Variants in MAEL observed in about 807,000 individuals in gnomAD.
The protein encoded by MAEL is protein maelstrom homolog.
MAEL carries 46 observed loss-of-function variants against 62.0 expected under a neutral mutation model. That is an observed-to-expected ratio of 0.74 (90% CI 0.59 to 0.95). The LOEUF is 0.95. Among genes scored for constraint, MAEL ranks in the 40% least tolerant of loss-of-function variants. The pLI, the probability that MAEL is intolerant of heterozygous loss-of-function variation, is 0.00. For synonymous variants in MAEL, 172 were observed against 175.5 expected (o/e 0.98, Z 0.16); for missense variants, 497 against 526.8 (o/e 0.94, Z 0.55).
Position 167,022,004 on chromosome 1 carries a change from A to T in MAEL, c.*149A>T. 1 of 595,336 alleles carries T rather than the reference A, an allele frequency of 1.7e-6. No individual in the cohort carries two copies. The highest frequency in any genetic ancestry group is 2.7e-6 in the Non-Finnish European group (1 of 363,982). The allele number at this position is 595,336 out of a possible 1,614,324, so 36.9% of individuals were successfully genotyped here. A position where few individuals can be genotyped will look rare whatever the true frequency, so the allele number is the denominator to read the frequency against. On this transcript the variant is annotated 3_prime_UTR_variant, in exon 12 of 12. Coordinates refer to ENST00000367872, the MANE Select transcript of MAEL (RefSeq NM_032858.3). ...GAAATTGTTTCATAGATTTAAAAAA[A>T]TTGTGGTTGGAGAGCATCTTGGCAT...
intron 1 of MAEL, among the ~76,000 whole-genome samples, chr1:166,981,178 G>A (rs1458002896): frequency 2.0e-5 from 3 of 152,172 alleles, no homozygotes; most frequent in African/African-American, 7.2e-5. Flanking sequence ...AAGTAGCGGG[G>A]CGAGGATCTC....
intron 1 of MAEL, among the ~76,000 whole-genome samples, chr1:166,981,553 G>T (rs1415634502): frequency 6.6e-6 from 1 of 152,072 alleles, no homozygotes; most frequent in African/African-American, 2.4e-5. Context: ...CCTGTATTAG[G>T]ACATGTACCA....
chr1:167,018,027 A>G (rs1468520053), intron 10 of MAEL, 68 bp downstream of exon 10: 2 of 1,462,216 alleles, frequency 1.4e-6, no homozygotes, highest in East Asian at 2.3e-5. Context: ...TCTGGCCAAC[A>G]GAAACAAAAG....
In MAEL at chr1:167,005,038, G is replaced by T. The variant is rs927808792; in HGVS notation, c.649-38G>T. 14 of 1,596,882 alleles carry T rather than the reference G, an allele frequency of 8.8e-6. No individual in the cohort carries two copies. In the African/African-American group the frequency reaches 1.7e-4, roughly 20 times the overall value. ...TTCAAAGTAGGAGAAGATACAAGTA[G>T]TTTTTTTGTTTTGTTTTTTGTTTTT... On this transcript the variant is annotated intron_variant, in intron 6 of 11. Transcript: ENST00000367872.
intron 8 of MAEL, among the ~76,000 whole-genome samples, chr1:167,010,234 T>G (rs1665111017): frequency 6.6e-6 from 1 of 152,166 alleles, no homozygotes; most frequent in Non-Finnish European, 1.5e-5. Flanking sequence ...GATTATAAAT[T>G]TCCTGAGGCC....
chr1:166,998,566 C>G (rs1370041111), intron 5 of MAEL, among the ~76,000 whole-genome samples: 1 of 152,130 alleles, frequency 6.6e-6, no homozygotes, highest in Non-Finnish European at 1.5e-5. Context: ...AGTATGCTGA[C>G]CAGTACCTCT....
At chr1:166,996,408 A>C (rs1393375473) in intron 5 of MAEL, among the ~76,000 whole-genome samples, 1 of 152,206 alleles carries the variant, frequency 6.6e-6, no homozygotes, top group Non-Finnish European at 1.5e-5. Flanking sequence ...CTGGTTAATG[A>C]TTTTTCTTGA....
At chr1:166,987,585 A>G (rs1355575459), upstream of MAEL, among the ~76,000 whole-genome samples, 1 of 152,210 alleles carries the variant, frequency 6.6e-6, no homozygotes, top group Non-Finnish European at 1.5e-5. Context: ...TGTCCCACCA[A>G]TAATGTATGA....
chr1:167,017,861 G>A lies in MAEL; in HGVS notation c.943G>A (p.Gly315Arg). The change falls in exon 10 of 12, where the codon GGA (glycine) becomes AGA (arginine). Residue 315 changes from glycine to arginine, a missense_variant. Physicochemically the swap from Gly to Arg is moderately radical, Grantham distance 125 (BLOSUM62 -2). Coordinates refer to ENST00000367872, the MANE Select transcript of MAEL (RefSeq NM_032858.3). Reference protein sequence around the residue: ...CISNSLATLFGIQLTEAHVPL... With the variant: ...CISNSLATLFRIQLTEAHVPL... Reference sequence around the variant, plus strand: ...CAGTAATTCTCTGGCCACTCTCTTTGGAATCCAGCTCACAGAGGCTCATGT... The same window carrying A: ...CAGTAATTCTCTGGCCACTCTCTTTAGAATCCAGCTCACAGAGGCTCATGT... 6.2e-7 allele frequency: 1 copy of A among 1,612,836 alleles called. No homozygotes were observed. The highest frequency in any genetic ancestry group is 8.5e-7 in the Non-Finnish European group (1 of 1,179,300).
rs773788152 is a variant in MAEL, at chr1:166,992,746, AT to A, written c.388del (p.Cys130ValfsTer29). 6.2e-7 allele frequency: 1 copy of A among 1,611,232 alleles called. No individual in the cohort carries two copies. The highest frequency in any genetic ancestry group is 1.7e-5 in the Admixed American group (1 of 59,506). On this transcript the variant is annotated frameshift_variant, in exon 4 of 12. Transcript: ENST00000367872. LOFTEE classifies it high-confidence loss of function. ...NIFSHGELPP[H>X]CEQRFLPCEI... is the part of the protein sequence containing the mutation. Reference sequence around the variant, plus strand: ...TTTAGCCATGGCGAGCTACCTCCTCATTGTGAACAGCGCTTCCTCCCTTGTG... The same window carrying A: ...TTTAGCCATGGCGAGCTACCTCCTCATGTGAACAGCGCTTCCTCCCTTGTG...
upstream of MAEL, among the ~76,000 whole-genome samples, chr1:166,988,189 A>G (rs1663985158): frequency 6.6e-6 from 1 of 151,852 alleles, no homozygotes; most frequent in Non-Finnish European, 1.5e-5. Context: ...TCTCTACAAA[A>G]AACAGAAAAA....
At chr1:166,995,342 G>A (rs1664376378) in intron 5 of MAEL, among the ~76,000 whole-genome samples, 1 of 151,982 alleles carries the variant, frequency 6.6e-6, no homozygotes, top group Admixed American at 6.6e-5. Context: ...CTGGGTTCAA[G>A]CAATTCTCCT....
intron 8 of MAEL, among the ~76,000 whole-genome samples, chr1:167,014,931 G>A (rs950262928): frequency 7.9e-5 from 12 of 152,182 alleles, no homozygotes; most frequent in Admixed American, 1.3e-4. Flanking sequence ...GCTGAGGCAC[G>A]AGTTATCATT....
intron 10 of MAEL, among the ~76,000 whole-genome samples, chr1:167,019,408 C>T (rs1257340718): frequency 6.6e-6 from 1 of 152,052 alleles, no homozygotes. Flanking sequence ...CTCTCAGATT[C>T]TCTCTCATCT....
At position 167,022,040 on chromosome 1, in the gene MAEL, T is replaced by C. The variant is rs1447294131; in HGVS notation, c.*185T>C. 3 of 526,432 alleles carry C rather than the reference T, an allele frequency of 5.7e-6. No individual in the cohort carries two copies. Among genetic ancestry groups the C allele is most frequent in the African/African-American group, 3.9e-5 (2 of 51,772 alleles). The allele number at this position is 526,432 out of a possible 1,614,324, so 32.6% of individuals were successfully genotyped here. A position where few individuals can be genotyped will look rare whatever the true frequency, so the allele number is the denominator to read the frequency against. On this transcript the variant is annotated 3_prime_UTR_variant, in exon 12 of 12. Transcript: ENST00000367872. ...AGAGCATCTTGGCATTTGTGCTTTTTTTCTTGAGGGATTGTTCTGCTTCCT... is the reference window on the plus strand; with the variant it reads ...AGAGCATCTTGGCATTTGTGCTTTTCTTCTTGAGGGATTGTTCTGCTTCCT...
At chr1:167,016,119 A>G (rs1665378385) in intron 8 of MAEL, 103 bp from the exon 9 acceptor site, 5 of 1,021,640 alleles carry the variant, frequency 4.9e-6, no homozygotes, top group Middle Eastern at 2.6e-4. Flanking sequence ...TTAGTCTTCA[A>G]GTAACCTCAT....
chr1:166,977,834 C>G (rs952782461), intron 1 of MAEL, among the ~76,000 whole-genome samples: 1 of 152,090 alleles, frequency 6.6e-6, no homozygotes, highest in Non-Finnish European at 1.5e-5. Context: ...ACCTGTAGTC[C>G]CAGCTACTCT....
chr1:167,003,968 T>TAC (rs144565754), intron 5 of MAEL, among the ~76,000 whole-genome samples: 74 of 152,230 alleles, frequency 4.9e-4, no homozygotes, highest in African/African-American at 1.7e-3. Flanking sequence ...TTGTCTCTCA[T>TAC]ACACACACAG....
chr1:167,010,349 A>G (rs1005076597), intron 8 of MAEL, among the ~76,000 whole-genome samples: 2 of 152,116 alleles, frequency 1.3e-5, no homozygotes, highest in African/African-American at 4.8e-5. Context: ...TAATACAGTA[A>G]TGTTAGGTTT....
Sources: gnomAD v4.1 joint callset for allele counts (sites outside exome capture counted in the v4.1 genomes callset) on GRCh38, gnomAD v4.1.1 for gene constraint, MANE v1.5 for transcripts, NCBI Gene and HGNC (gene_info 2026-07-23, HGNC 2026-07-21) for gene names.